DCDC1: variants seen among roughly 807,000 people sequenced by gnomAD.
DCDC1 encodes doublecortin domain-containing protein 1.
DCDC1 carries 200 observed loss-of-function variants against 178.3 expected under a neutral mutation model. The ratio of observed to expected loss-of-function variants is 1.12; its 90% CI spans 1.00 to 1.26. The LOEUF is 1.26. DCDC1 is among the 50% of genes most tolerant of loss of function. The pLI is 0.00. For missense variants in DCDC1, 1,983 were observed against 1,749.2 expected (o/e 1.13, Z -2.38); for synonymous variants, 690 against 604.8 (o/e 1.14, Z -2.07).
intron 13 of DCDC1, 43 bp from the exon 14 acceptor site, chr11:31,103,812 C>T: frequency 1.3e-6 from 1 of 749,690 alleles, no homozygotes; most frequent in Non-Finnish European, 2.4e-6. Flanking sequence ...CAAAATTAGA[C>T]ATACATTGTA....
At chr11:31,194,401 T>C (rs1970447145) in intron 9 of DCDC1, among the ~76,000 whole-genome samples, 1 of 152,110 alleles carries the variant, frequency 6.6e-6, no homozygotes, top group South Asian at 2.1e-4. Context: ...TACATACTCA[T>C]TTTGGAAAAT....
intron 3 of DCDC1, among the ~76,000 whole-genome samples, chr11:31,327,230 G>A (rs1302189229): frequency 6.6e-6 from 1 of 152,004 alleles, no homozygotes; most frequent in Non-Finnish European, 1.5e-5. Context: ...GTGCAATGGC[G>A]CGATCTTGGC....
chr11:31,046,445 G>T (rs1954846516), intron 20 of DCDC1, among the ~76,000 whole-genome samples: 1 of 151,902 alleles, frequency 6.6e-6, no homozygotes, highest in Admixed American at 6.6e-5. Context: ...AAACACTAAG[G>T]TATCTTTTTC....
chr11:31,000,012 G>C (rs1354343938), intron 20 of DCDC1, among the ~76,000 whole-genome samples: 1 of 152,070 alleles, frequency 6.6e-6, no homozygotes, highest in African/African-American at 2.4e-5. Context: ...AGTGGCTTCA[G>C]GTAAGAGGAA....
chr11:30,888,050 GAA>G (rs1179934940), intron 36 of DCDC1, among the ~76,000 whole-genome samples: 5 of 73,968 alleles, frequency 6.8e-5, no homozygotes, highest in East Asian at 5.7e-4. Context: ...AAGAAAGAAA[GAA>G]AGAAAGAAAG....
In DCDC1 at chr11:31,305,779, T is replaced by TA; in HGVS notation, c.592-3dup. The TA allele has an allele frequency of 1.2e-6, 2 of 1,612,252 alleles. No homozygotes were observed. Among genetic ancestry groups the TA allele is most frequent in the Non-Finnish European group, 1.7e-6 (2 of 1,179,168 alleles). Reference sequence around the variant, plus strand: ...CTTTTCTGTGCACTCCTCCAGCAGCTAGAAGAAAGCAAGAGGTAAGTCAAA... The same window carrying TA: ...CTTTTCTGTGCACTCCTCCAGCAGCTAAGAAGAAAGCAAGAGGTAAGTCAAA... On this transcript the variant is annotated splice_polypyrimidine_tract_variant and splice_region_variant and intron_variant, in intron 5 of 38. Coordinates refer to ENST00000684477, the MANE Select transcript of DCDC1 (RefSeq NM_001387274.1).
intron 38 of DCDC1, among the ~76,000 whole-genome samples, chr11:30,877,863 A>G (rs1202697831): frequency 6.6e-6 from 1 of 152,146 alleles, no homozygotes; most frequent in Admixed American, 6.6e-5. Flanking sequence ...TTTAGTGTCT[A>G]GTGGTCAGAG....
At chr11:31,139,714 T>C (rs749757348) in intron 9 of DCDC1, among the ~76,000 whole-genome samples, 16 of 152,140 alleles carry the variant, frequency 1.1e-4, no homozygotes, top group Non-Finnish European at 2.1e-4. Context: ...GGGAACTTTT[T>C]ATTCAAAAGG....
At chr11:30,913,538 G>A (rs1490287817) in intron 27 of DCDC1, among the ~76,000 whole-genome samples, 2 of 152,122 alleles carry the variant, frequency 1.3e-5, no homozygotes, top group Admixed American at 6.5e-5. Context: ...GGACTCTGAC[G>A]TTTCCAATGA....
intron 20 of DCDC1, among the ~76,000 whole-genome samples, chr11:30,988,698 T>C (rs1300587629): frequency 6.6e-6 from 1 of 152,168 alleles, no homozygotes; most frequent in Non-Finnish European, 1.5e-5. Flanking sequence ...CTAACACTAA[T>C]GATAGCTGAT....
intron 20 of DCDC1, among the ~76,000 whole-genome samples, chr11:31,017,003 C>T (rs866073329): frequency 1.6e-4 from 24 of 152,174 alleles, no homozygotes; most frequent in South Asian, 2.1e-4. Context: ...TTTGATTGTC[C>T]AGTCATAATT....
intron 36 of DCDC1, chr11:30,883,364 T>C (rs1942862276): frequency 3.7e-6 from 1 of 272,996 alleles, no homozygotes; most frequent in African/African-American, 2.3e-5. Flanking sequence ...AAGTCAAACA[T>C]TTATAATGTC....
chr11:31,132,131 C>T (rs767082954), intron 10 of DCDC1, among the ~76,000 whole-genome samples: 1 of 152,128 alleles, frequency 6.6e-6, no homozygotes, highest in Non-Finnish European at 1.5e-5. Context: ...CCAATTATCA[C>T]CTGATTTTTA....
chr11:30,950,584 A>G (rs1320253419), intron 21 of DCDC1, among the ~76,000 whole-genome samples: 2 of 152,188 alleles, frequency 1.3e-5, no homozygotes, highest in African/African-American at 4.8e-5. Flanking sequence ...TTTGTTAAGT[A>G]AAATAAGCCA....
At chr11:31,341,426 G>GATAC (rs5790857) in intron 1 of DCDC1, among the ~76,000 whole-genome samples, 15,863 of 151,276 alleles carry the variant, frequency 0.1, 1,000 homozygotes, top group Middle Eastern at 0.14. Context: ...TAGATAGATA[G>GATAC]ATAGATAGAT....
chr11:31,189,727 A>G (rs1190205974), intron 9 of DCDC1, among the ~76,000 whole-genome samples: 1 of 152,016 alleles, frequency 6.6e-6, no homozygotes, highest in Non-Finnish European at 1.5e-5. Context: ...TTCCATCATC[A>G]CATCCCCTTC....
intron 9 of DCDC1, among the ~76,000 whole-genome samples, chr11:31,148,515 AAAAT>A (rs1304840321): frequency 6.6e-6 from 1 of 152,068 alleles, no homozygotes; most frequent in Non-Finnish European, 1.5e-5. Flanking sequence ...CTCAAAAAAT[AAAAT>A]AAATAAATAA....
chr11:31,164,649 GC>G (rs1966618010), intron 9 of DCDC1, among the ~76,000 whole-genome samples: 1 of 151,994 alleles, frequency 6.6e-6, no homozygotes, highest in African/African-American at 2.4e-5. Flanking sequence ...TGTGCTGTAA[GC>G]TAAATCTTAC....
chr11:30,960,775 A>G (rs1007049525), intron 20 of DCDC1, among the ~76,000 whole-genome samples: 2 of 149,898 alleles, frequency 1.3e-5, no homozygotes, highest in Non-Finnish European at 3.0e-5. Context: ...ACTTGAAAAC[A>G]CTCATGTATA....
Sources: allele counts gnomAD v4.1 joint callset (sites outside exome capture counted in the v4.1 genomes callset), GRCh38; gene constraint gnomAD v4.1.1; transcripts MANE v1.5; gene names NCBI Gene and HGNC (gene_info 2026-07-23, HGNC 2026-07-21).